STAT4: variants seen among roughly 807,000 people sequenced by gnomAD.
The protein encoded by STAT4 is signal transducer and activator of transcription 4.
Under a neutral mutation model 110.5 loss-of-function variants are expected in STAT4, and 42 were observed. The ratio of observed to expected loss-of-function variants is 0.38; its 90% CI spans 0.30 to 0.49. The LOEUF (loss-of-function observed/expected upper bound fraction) is 0.49, where lower values mean the gene tolerates loss of function less well. Ranked by LOEUF, STAT4 falls within the 20% of genes least tolerant of loss-of-function variation. The probability of loss-of-function intolerance (pLI) is 0.95; values close to 1 mark genes in which losing one functional copy is unlikely to be tolerated. For synonymous variants in STAT4, 284 were observed against 302.2 expected (o/e 0.94, Z 0.63); for missense variants, 632 against 887.9 (o/e 0.71, Z 3.66).
chr2:191,073,232 G>T (rs370980009), intron 4 of STAT4, 42 bp from the exon 5 acceptor site: 1 of 1,563,288 alleles, frequency 6.4e-7, no homozygotes, highest in Admixed American at 1.7e-5. Flanking sequence ...TTTTGAAAAG[G>T]TTTATGATGA....
chr2:191,060,571 A>C lies in STAT4; in HGVS notation c.1034+1158T>G, dbSNP rs544734569. 6.6e-6 allele frequency among the ~76,000 whole-genome samples: 1 copy of C among 152,276 alleles called. No homozygotes were observed. Among genetic ancestry groups the C allele is most frequent in the South Asian group, 2.1e-4 (1 of 4,824 alleles). On this transcript the variant is annotated intron_variant, in intron 10 of 23. Transcript: ENST00000392320. This position sits in a 1 kb window ranked among gnomAD's most constrained non-coding sequence, Gnocchi z 4.5. The stretch of plus-strand genomic sequence containing the variant: ...GTAGCTGGGATTACAGGCATGAGCC[A>C]ACATGCTCAGCTAATTTTTCTATTT...
chr2:191,036,714 G>T (rs1696055541), intron 16 of STAT4, among the ~76,000 whole-genome samples: 1 of 152,042 alleles, frequency 6.6e-6, no homozygotes, highest in African/African-American at 2.4e-5. Context: ...TTTCACTCCT[G>T]CTCTGAAGCT....
Position 191,065,085 on chromosome 2 carries a change from T to A in STAT4, c.631-127A>T. ...AATTTTGACCAAATATTTTACTAAATGCTAGCTTCTATTTGCCAGGCCTTT... is the reference window on the plus strand; with the variant it reads ...AATTTTGACCAAATATTTTACTAAAAGCTAGCTTCTATTTGCCAGGCCTTT... On this transcript the variant is annotated intron_variant, in intron 7 of 23. Transcript: ENST00000392320. 5 of 994,702 alleles carry A rather than the reference T, an allele frequency of 5.0e-6. No homozygotes were observed. The South Asian group carries it at 8.2e-5, about 16-fold the overall frequency. The allele number at this position is 994,702 out of a possible 1,614,324, so 61.6% of individuals were successfully genotyped here. A position where few individuals can be genotyped will look rare whatever the true frequency, so the allele number is the denominator to read the frequency against.
At chr2:191,126,602 C>A (rs1438999617) in intron 3 of STAT4, among the ~76,000 whole-genome samples, 1 of 152,162 alleles carries the variant, frequency 6.6e-6, no homozygotes, top group Non-Finnish European at 1.5e-5. Flanking sequence ...CTGTAGAAAT[C>A]TCATTTTTTT....
chr2:191,106,285 A>G, intron 3 of STAT4, among the ~76,000 whole-genome samples: 1 of 151,992 alleles, frequency 6.6e-6, no homozygotes, highest in East Asian at 1.9e-4. Flanking sequence ...GGTACTTGGA[A>G]GTTTTCGAAC....
At chr2:191,151,482 T>A, upstream of STAT4, 1 of 985,546 alleles carries the variant, frequency 1.0e-6, no homozygotes, top group Non-Finnish European at 1.2e-6. The surrounding 1 kb of genome is among the most constrained non-coding windows in gnomAD (Gnocchi z 4.7). Flanking sequence ...CGGGGTCCGC[T>A]CACTCCGACG....
chr2:191,045,761 C>T (rs1438882972), intron 14 of STAT4, among the ~76,000 whole-genome samples: 1 of 152,092 alleles, frequency 6.6e-6, no homozygotes, highest in Non-Finnish European at 1.5e-5. Context: ...TTTGTGATAC[C>T]TTACATTGCC....
At chr2:191,073,669 G>A (rs575693303) in intron 4 of STAT4, among the ~76,000 whole-genome samples, 2 of 149,908 alleles carry the variant, frequency 1.3e-5, no homozygotes, top group South Asian at 2.2e-4. Flanking sequence ...CAGCCTGGGC[G>A]ACAGAGCGAG....
Position 191,030,845 on chromosome 2 carries a change from C to T in STAT4, c.2220+127G>A. 1.2e-6 allele frequency: 1 copy of T among 815,636 alleles called. No homozygotes were observed. Among genetic ancestry groups the T allele is most frequent in the Non-Finnish European group, 2.0e-6 (1 of 493,308 alleles). The allele number at this position is 815,636 out of a possible 1,614,324, so 50.5% of individuals were successfully genotyped here. On this transcript the variant is annotated intron_variant, in intron 23 of 23. Transcript: ENST00000392320. This position sits in a 1 kb window ranked among gnomAD's most constrained non-coding sequence, Gnocchi z 4.4. ...ATCCAGACACCTTTTGTGTTATGCT[C>T]ATGAATTTGTTCCAATAAATGTGTT...
chr2:191,050,079 T>C lies in STAT4; in HGVS notation c.1251+4411A>G, dbSNP rs1365318626. ...TAATAGCTTCATTGTGCTTCATGACTTTCCACCACATAAACAAAATTACCT... is the reference window on the plus strand; with the variant it reads ...TAATAGCTTCATTGTGCTTCATGACCTTCCACCACATAAACAAAATTACCT... On this transcript the variant is annotated intron_variant, in intron 14 of 23. Coordinates refer to ENST00000392320, the MANE Select transcript of STAT4 (RefSeq NM_003151.4). This position sits in a 1 kb window ranked among gnomAD's most constrained non-coding sequence, Gnocchi z 4.3. Among the ~76,000 whole-genome samples the C allele has an allele frequency of 6.6e-6, 1 of 152,210 alleles. No individual in the cohort carries two copies. The highest frequency in any genetic ancestry group is 1.9e-4 in the East Asian group (1 of 5,198).
At position 191,064,954 on chromosome 2, in the gene STAT4, G is replaced by A. The variant is rs1007048272; in HGVS notation, c.635C>T (p.Ala212Val). ...LNSLDFKRKE[A>V]LSKMTQIIHE... Reference sequence around the variant, plus strand: ...GATGATTTGGGTCATTTTACTGAGAGCCTCCTAAAAACAAAGGGGACTACT... The same window carrying A: ...GATGATTTGGGTCATTTTACTGAGAACCTCCTAAAAACAAAGGGGACTACT... The change falls in exon 8 of 24, where the codon GCT (alanine) becomes GTT (valine). Residue 212 changes from alanine (A) to valine (V), a missense_variant. Transcript: ENST00000392320. 1.9e-6 allele frequency: 3 copies of A among 1,596,886 alleles called. No individual in the cohort carries two copies. Among genetic ancestry groups the A allele is most frequent in the Admixed American group, 3.5e-5 (2 of 56,848 alleles).
rs1023627792 is a variant in STAT4 at position 191,113,440 on chromosome 2, T to A, written c.273+33173A>T. Among the ~76,000 whole-genome samples, 18 of 152,288 alleles carry A rather than the reference T, an allele frequency of 1.2e-4. No homozygotes were observed. The highest frequency in any genetic ancestry group is 4.1e-4 in the African/African-American group (17 of 41,558). ...AAAGCACTTTTTCAAATTTATTGGA[T>A]TGAAGAGAAGGAAAAGTGCTGAATT... On this transcript the variant is annotated intron_variant, in intron 3 of 23. Coordinates refer to ENST00000392320, the MANE Select transcript of STAT4 (RefSeq NM_003151.4). This position sits in a 1 kb window ranked among gnomAD's most constrained non-coding sequence, Gnocchi z 4.8.
At position 191,046,863 on chromosome 2, in the gene STAT4, C is replaced by T. The variant is rs1382076032; in HGVS notation, c.1252-5715G>A. ...GATAGGATTGTCTGACACAGAGCTC[C>T]TAAATTCCTGGAATTTTCTGGCATT... On this transcript the variant is annotated intron_variant, in intron 14 of 23. Coordinates refer to ENST00000392320, the MANE Select transcript of STAT4 (RefSeq NM_003151.4). This position sits in a 1 kb window ranked among gnomAD's most constrained non-coding sequence, Gnocchi z 4.6. Among the ~76,000 whole-genome samples the T allele has an allele frequency of 6.6e-6, 1 of 151,842 alleles. No individual in the cohort carries two copies. Among genetic ancestry groups the T allele is most frequent in the Admixed American group, 6.6e-5 (1 of 15,258 alleles).
Position 191,033,838 on chromosome 2 carries a change from AAAG to A in STAT4, c.1715+70_1715+72del. ...TACTAAACATGCTTAAGAGAAAAAG[AAAG>A]AAGAAAACCAATAACAACAGAAAAA... On this transcript the variant is annotated intron_variant, in intron 19 of 23. Coordinates refer to ENST00000392320, the MANE Select transcript of STAT4 (RefSeq NM_003151.4). The surrounding 1 kb of genome is among the most constrained non-coding windows in gnomAD (Gnocchi z 6.9). 7.0e-7 allele frequency: 1 copy of A among 1,424,666 alleles called. No homozygotes were observed. The highest frequency in any genetic ancestry group is 9.6e-7 in the Non-Finnish European group (1 of 1,043,222). The allele number at this position is 1,424,666 out of a possible 1,614,324, so 88.3% of individuals were successfully genotyped here. A position where few individuals can be genotyped will look rare whatever the true frequency, so the allele number is the denominator to read the frequency against.
chr2:191,034,137 T>C, intron 18 of STAT4, 132 bp from the exon 19 acceptor site: 1 of 726,812 alleles, frequency 1.4e-6, no homozygotes, highest in Non-Finnish European at 2.2e-6. Flanking sequence ...TAAAAAATAT[T>C]CTTGGCCTGG....
rs372835313 is a variant in STAT4, at chr2:191,035,839, A to C, written c.1570+325T>G. On this transcript the variant is annotated intron_variant, in intron 17 of 23. Coordinates refer to ENST00000392320, the MANE Select transcript of STAT4 (RefSeq NM_003151.4). The surrounding 1 kb of genome is among the most constrained non-coding windows in gnomAD (Gnocchi z 4.7). Reference sequence around the variant, plus strand: ...TATACCCTGGAGACTGGGGTGGGGAATAGACAAGGAGGGGCTTTAGACCTG... The same window carrying C: ...TATACCCTGGAGACTGGGGTGGGGACTAGACAAGGAGGGGCTTTAGACCTG... Among the ~76,000 whole-genome samples, 1 of 152,178 alleles carries C rather than the reference A, an allele frequency of 6.6e-6. No homozygotes were observed. The highest frequency in any genetic ancestry group is 1.5e-5 in the Non-Finnish European group (1 of 68,020).
chr2:191,085,720 A>C (rs768229641), intron 3 of STAT4, among the ~76,000 whole-genome samples: 2 of 152,204 alleles, frequency 1.3e-5, no homozygotes, highest in Non-Finnish European at 2.9e-5. Context: ...ATAACTTTGG[A>C]GACAGTGCCA....
chr2:191,114,447 G>GA (rs561042777), intron 3 of STAT4, among the ~76,000 whole-genome samples: 253 of 152,204 alleles, frequency 1.7e-3, no homozygotes, highest in African/African-American at 5.7e-3. Flanking sequence ...AGCAAAAGAA[G>GA]AAACGATATA....
intron 3 of STAT4, among the ~76,000 whole-genome samples, chr2:191,079,364 TTCTC>T (rs1697401627): frequency 6.6e-6 from 1 of 152,088 alleles, no homozygotes; most frequent in Non-Finnish European, 1.5e-5. Flanking sequence ...TCTTTAATGT[TTCTC>T]TATTAAACAT....
Sources: allele counts gnomAD v4.1 joint callset (sites outside exome capture counted in the v4.1 genomes callset), GRCh38; gene constraint gnomAD v4.1.1; non-coding constraint Gnocchi (gnomAD v3.1); transcripts MANE v1.5; gene names NCBI Gene and HGNC (gene_info 2026-07-23, HGNC 2026-07-21).